Variants in EPM2A observed in about 807,000 individuals in gnomAD.
The protein encoded by EPM2A is EPM2A glucan phosphatase, laforin.
In EPM2A, 21 loss-of-function variants were observed where a neutral mutation model predicts 26.5. The ratio of observed to expected loss-of-function variants is 0.79; its 90% CI spans 0.56 to 1.14. EPM2A has a LOEUF of 1.14. Ranked by LOEUF, EPM2A falls within the 50% of genes most tolerant of loss-of-function variation. EPM2A has a pLI of 0.00. For missense variants in EPM2A, 458 were observed against 440.8 expected, an observed-to-expected ratio of 1.04 and a Z score of -0.35; for synonymous variants, 217 against 177.6, an observed-to-expected ratio of 1.22 and a Z score of -1.76.
At chr6:145,517,896 G>A (rs1780151361) in intron 2 of EPM2A, among the ~76,000 whole-genome samples, 1 of 151,762 alleles carries the variant, frequency 6.6e-6, no homozygotes, top group Non-Finnish European at 1.5e-5. Flanking sequence ...TTCTATTACT[G>A]GATCTAAAAA....
intron 2 of EPM2A, among the ~76,000 whole-genome samples, chr6:145,557,168 T>C (rs947333411): frequency 1.3e-5 from 2 of 152,150 alleles, no homozygotes; most frequent in African/African-American, 4.8e-5. Context: ...ATAAATTATA[T>C]ATTTTGAGAG....
intron 4 of EPM2A, among the ~76,000 whole-genome samples, chr6:145,474,504 A>C (rs1279343511): frequency 6.6e-6 from 1 of 152,098 alleles, no homozygotes; most frequent in Non-Finnish European, 1.5e-5. Flanking sequence ...AATGAGACCT[A>C]AAACCATAAA....
intron 4 of EPM2A, among the ~76,000 whole-genome samples, chr6:145,410,172 T>TA (rs1390021289): frequency 6.6e-6 from 1 of 152,194 alleles, no homozygotes; most frequent in Non-Finnish European, 1.5e-5. Context: ...TTGCAAGAGC[T>TA]AAATCAATGT....
intron 2 of EPM2A, among the ~76,000 whole-genome samples, chr6:145,520,088 A>G (rs1244544167): frequency 1.3e-5 from 2 of 152,094 alleles, no homozygotes; most frequent in African/African-American, 2.4e-5. Context: ...CACATCCCCC[A>G]TTGACTCTTT....
chr6:145,398,285 C>T (rs1778433904), intron 4 of EPM2A, among the ~76,000 whole-genome samples: 1 of 152,100 alleles, frequency 6.6e-6, no homozygotes. Flanking sequence ...GCTCTGTTAT[C>T]TCAAAGACAA....
At chr6:145,434,420 C>G (rs1388460371) in intron 4 of EPM2A, among the ~76,000 whole-genome samples, 1 of 152,060 alleles carries the variant, frequency 6.6e-6, no homozygotes, top group East Asian at 1.9e-4. Context: ...AACCCTATAT[C>G]AAATTCTTAG....
intron 4 of EPM2A, among the ~76,000 whole-genome samples, chr6:145,465,501 C>T (rs1779377535): frequency 6.8e-6 from 1 of 146,526 alleles, no homozygotes; most frequent in Non-Finnish European, 1.5e-5. Flanking sequence ...AGCTTTGTTC[C>T]GTTGCTGGTG....
chr6:145,650,332 C>T (rs1176687427), intron 2 of EPM2A, among the ~76,000 whole-genome samples: 4 of 152,102 alleles, frequency 2.6e-5, no homozygotes, highest in Non-Finnish European at 5.9e-5. Context: ...AGGCAGATCA[C>T]CTGAGGTCAG....
At chr6:145,522,884 A>C (rs1329993294) in intron 2 of EPM2A, among the ~76,000 whole-genome samples, 2 of 152,000 alleles carry the variant, frequency 1.3e-5, no homozygotes, top group Non-Finnish European at 2.9e-5. Context: ...TAGAGTCTCT[A>C]CTTTTCTTTC....
At chr6:145,638,582 A>C (rs1776864057) in intron 2 of EPM2A, 1 of 152,244 alleles carries the variant, frequency 6.6e-6, no homozygotes, top group South Asian at 2.1e-4. Flanking sequence ...TATTTAAGAA[A>C]TGAGTATGAA....
At chr6:145,590,949 T>C (rs1781266228) in intron 2 of EPM2A, among the ~76,000 whole-genome samples, 1 of 152,164 alleles carries the variant, frequency 6.6e-6, no homozygotes, top group Admixed American at 6.6e-5. Flanking sequence ...ATTTTAAATA[T>C]TTATGATTAA....
intron 2 of EPM2A, among the ~76,000 whole-genome samples, chr6:145,646,202 G>T (rs1278253641): frequency 1.3e-5 from 2 of 151,844 alleles, no homozygotes; most frequent in African/African-American, 4.8e-5. Flanking sequence ...GTCACCCAGG[G>T]GTGCAGTGCA....
intron 1 of EPM2A, among the ~76,000 whole-genome samples, chr6:145,716,891 T>A (rs1447900743): frequency 1.3e-5 from 2 of 152,230 alleles, no homozygotes; most frequent in African/African-American, 4.8e-5. Flanking sequence ...TTTGTTGTTG[T>A]ATTTATTCCC....
At chr6:145,542,565 G>A (rs1415288128) in intron 2 of EPM2A, among the ~76,000 whole-genome samples, 1 of 152,206 alleles carries the variant, frequency 6.6e-6, no homozygotes, top group Non-Finnish European at 1.5e-5. Flanking sequence ...AAAATAGTCA[G>A]GGAATGAAAT....
At chr6:145,639,089 A>C (rs1776898203) in intron 2 of EPM2A, 1 of 152,208 alleles carries the variant, frequency 6.6e-6, no homozygotes, top group Non-Finnish European at 1.5e-5. Context: ...AGAGAATAAA[A>C]ATTCTCTGTA....
intron 2 of EPM2A, among the ~76,000 whole-genome samples, chr6:145,520,639 T>G (rs969046690): frequency 6.6e-6 from 1 of 152,202 alleles, no homozygotes; most frequent in Non-Finnish European, 1.5e-5. Flanking sequence ...CAAATATTTA[T>G]GAAGGAAATA....
chr6:145,475,266 C>T (rs1779527467), intron 4 of EPM2A, among the ~76,000 whole-genome samples: 1 of 152,138 alleles, frequency 6.6e-6, no homozygotes, highest in Admixed American at 6.5e-5. Flanking sequence ...CACATATACA[C>T]CATGGAATAC....
intron 2 of EPM2A, among the ~76,000 whole-genome samples, chr6:145,665,995 G>C (rs994945003): frequency 1.4e-5 from 2 of 146,252 alleles, no homozygotes; most frequent in African/African-American, 2.5e-5. Context: ...CAATAAATTA[G>C]GTATTGATGG....
At chr6:145,662,040 G>A (rs534516043) in intron 2 of EPM2A, among the ~76,000 whole-genome samples, 1 of 152,290 alleles carries the variant, frequency 6.6e-6, no homozygotes, top group Admixed American at 6.5e-5. Context: ...TCAAGGGACA[G>A]AGCATGCTTG....
Sources: gnomAD v4.1 joint callset for allele counts (sites outside exome capture counted in the v4.1 genomes callset) on GRCh38, gnomAD v4.1.1 for gene constraint, MANE v1.5 for transcripts, NCBI Gene and HGNC (gene_info 2026-07-23, HGNC 2026-07-21) for gene names.